Variants in POU6F2 observed in about 807,000 individuals in gnomAD.
The protein encoded by POU6F2 is POU domain, class 6, transcription factor 2.
Under a neutral mutation model 71.3 loss-of-function variants are expected in POU6F2, and 31 were observed. That is an observed-to-expected ratio of 0.43 (90% CI 0.33 to 0.59). The LOEUF (loss-of-function observed/expected upper bound fraction) is 0.59, where lower values mean the gene tolerates loss of function less well. POU6F2 is among the 20% of genes least tolerant of loss of function. The probability of loss-of-function intolerance (pLI) is 0.04; values close to 1 mark genes in which losing one functional copy is unlikely to be tolerated. For synonymous variants in POU6F2, 347 were observed against 355.7 expected (o/e 0.98, Z 0.27); for missense variants, 783 against 856.8 (o/e 0.91, Z 1.07).
intron 4 of POU6F2, among the ~76,000 whole-genome samples, chr7:39,337,574 A>T (rs1785806367): frequency 1.3e-5 from 2 of 151,998 alleles, no homozygotes; most frequent in South Asian, 4.1e-4. Context: ...TTATTTTCTC[A>T]TTCTTCTCTG....
At chr7:39,195,233 C>T (rs1340426591) in intron 2 of POU6F2, among the ~76,000 whole-genome samples, 2 of 152,154 alleles carry the variant, frequency 1.3e-5, no homozygotes, top group Non-Finnish European at 2.9e-5. Flanking sequence ...ATTTAATCAC[C>T]TGCCCTTTGC....
rs923707649 is a variant in POU6F2, at chr7:39,115,751, C to T, written c.277+29720C>T. On this transcript the variant is annotated intron_variant, in intron 2 of 9. Coordinates refer to ENST00000518318, the MANE Select transcript of POU6F2 (RefSeq NM_001370959.1). ...CCTGGTATGTTTGTTTTTTGGATGC[C>T]GCCATTTGAAACAGGTAGAAGAAGT... 3.9e-5 allele frequency among the ~76,000 whole-genome samples: 6 copies of T among 152,006 alleles called. No homozygotes were observed. In the East Asian group the frequency reaches 5.8e-4, roughly 15 times the overall value.
At chr7:39,339,616 T>C (rs1331950823) in intron 4 of POU6F2, 26 bp from the exon 5 acceptor site, 1 of 1,560,004 alleles carries the variant, frequency 6.4e-7, no homozygotes, top group South Asian at 1.2e-5. Context: ...GTTATCTCAC[T>C]CCACATTCGC....
intron 1 of POU6F2, among the ~76,000 whole-genome samples, chr7:39,008,384 G>C (rs948189016): frequency 2.6e-5 from 4 of 152,022 alleles, no homozygotes; most frequent in African/African-American, 9.7e-5. Context: ...GTTTTTTCTT[G>C]TAAATTTGTT....
chr7:38,997,247 A>C (rs60707276), intron 1 of POU6F2, among the ~76,000 whole-genome samples: 3 of 152,110 alleles, frequency 2.0e-5, no homozygotes, highest in African/African-American at 7.2e-5. Context: ...ACATGAGGTC[A>C]TGCAAAGCCC....
intron 5 of POU6F2, among the ~76,000 whole-genome samples, chr7:39,363,685 G>C (rs1332591856): frequency 6.7e-6 from 1 of 149,910 alleles, no homozygotes; most frequent in East Asian, 1.9e-4. Flanking sequence ...GGGAGGAAAA[G>C]GGGGCTCCTA....
chr7:39,206,368 A>T (rs1021068453), intron 3 of POU6F2, among the ~76,000 whole-genome samples: 3 of 152,206 alleles, frequency 2.0e-5, no homozygotes, highest in African/African-American at 7.2e-5. Context: ...TCCCTACCAG[A>T]GAAGGGCTGT....
At chr7:39,334,308 T>A (rs1785719765) in intron 4 of POU6F2, among the ~76,000 whole-genome samples, 1 of 151,946 alleles carries the variant, frequency 6.6e-6, no homozygotes, top group African/African-American at 2.4e-5. Flanking sequence ...TGGGTACACA[T>A]GAACATAAAA....
chr7:39,465,747 A>C lies in POU6F2; in HGVS notation c.*1061A>C, dbSNP rs1322956106. 2 of 152,324 alleles carry C rather than the reference A, an allele frequency of 1.3e-5. No individual in the cohort carries two copies. Among genetic ancestry groups the C allele is most frequent in the Non-Finnish European group, 2.9e-5 (2 of 68,034 alleles). The allele number at this position is 152,324 out of a possible 1,614,324, so 9.4% of individuals were successfully genotyped here. A position where few individuals can be genotyped will look rare whatever the true frequency, so the allele number is the denominator to read the frequency against. On this transcript the variant is annotated 3_prime_UTR_variant, in exon 10 of 10. Transcript: ENST00000518318. ...AGCTGTAATTGTGCTCACTGTCCAC[A>C]CCAGAGCTTGGGATTTTTCTCAGTC... is the stretch of plus-strand genomic sequence containing the variant.
intron 2 of POU6F2, among the ~76,000 whole-genome samples, chr7:39,202,649 C>G (rs939985702): frequency 1.3e-5 from 2 of 152,176 alleles, no homozygotes; most frequent in Non-Finnish European, 2.9e-5. Flanking sequence ...AAGCCATCTC[C>G]CAGCTTCAAA....
chr7:39,179,046 A>C (rs1416748924), intron 2 of POU6F2, among the ~76,000 whole-genome samples: 1 of 152,152 alleles, frequency 6.6e-6, no homozygotes, highest in African/African-American at 2.4e-5. Context: ...CTGTGTTTCA[A>C]GGATGCTGGC....
At chr7:39,206,344 C>G (rs953927533) in intron 3 of POU6F2, among the ~76,000 whole-genome samples, 1 of 152,036 alleles carries the variant, frequency 6.6e-6, no homozygotes, top group South Asian at 2.1e-4. Context: ...CAAAACATGC[C>G]GAGCAGTTGC....
intron 4 of POU6F2, among the ~76,000 whole-genome samples, chr7:39,284,607 G>A (rs1197434554): frequency 6.6e-6 from 1 of 152,104 alleles, no homozygotes; most frequent in Non-Finnish European, 1.5e-5. Flanking sequence ...TAGTAATATT[G>A]CCTTCTGAGT....
chr7:38,993,983 C>T (rs1788673475), intron 1 of POU6F2, among the ~76,000 whole-genome samples: 2 of 152,116 alleles, frequency 1.3e-5, no homozygotes, highest in Non-Finnish European at 2.9e-5. Context: ...GTTGAACAAA[C>T]CTTTTGTCCA....
intron 1 of POU6F2, among the ~76,000 whole-genome samples, chr7:39,053,047 G>T (rs748038570): frequency 2.4e-4 from 36 of 152,120 alleles, no homozygotes; most frequent in Non-Finnish European, 4.7e-4. Flanking sequence ...AGAAACTTGG[G>T]CAGGGGTGTG....
intron 2 of POU6F2, among the ~76,000 whole-genome samples, chr7:39,093,037 T>A (rs900461579): frequency 6.6e-6 from 1 of 152,172 alleles, no homozygotes; most frequent in African/African-American, 2.4e-5. Flanking sequence ...TATATTTTAT[T>A]TGAGGATGGA....
At chr7:39,073,109 C>T (rs995158647) in intron 1 of POU6F2, among the ~76,000 whole-genome samples, 1 of 152,110 alleles carries the variant, frequency 6.6e-6, no homozygotes, top group Non-Finnish European at 1.5e-5. Context: ...TACTGATGAA[C>T]TGTCAATAAA....
chr7:39,051,733 A>G (rs745564098), intron 1 of POU6F2, among the ~76,000 whole-genome samples: 3 of 152,248 alleles, frequency 2.0e-5, no homozygotes, highest in Middle Eastern at 3.4e-3. Context: ...CAGTTACTAG[A>G]GCATGTTCTC....
chr7:39,056,740 T>G (rs1255991325), intron 1 of POU6F2, among the ~76,000 whole-genome samples: 1 of 151,146 alleles, frequency 6.6e-6, no homozygotes, highest in East Asian at 2.0e-4. Flanking sequence ...TGCTATGTTC[T>G]ATGCCAGTAG....
Sources: allele counts gnomAD v4.1 joint callset (sites outside exome capture counted in the v4.1 genomes callset), GRCh38; gene constraint gnomAD v4.1.1; transcripts MANE v1.5; gene names NCBI Gene and HGNC (gene_info 2026-07-23, HGNC 2026-07-21).